The following FGF12 variants were observed in gnomAD, a reference collection of about 807,000 sequenced individuals.
The protein encoded by FGF12 is fibroblast growth factor 12.
A neutral mutation model predicts 23.6 loss-of-function variants in FGF12; 14 were observed. The ratio of observed to expected loss-of-function variants is 0.59; its 90% CI spans 0.39 to 0.93. The LOEUF (loss-of-function observed/expected upper bound fraction) is 0.93, where lower values mean the gene tolerates loss of function less well. Among genes scored for constraint, FGF12 ranks in the 40% least tolerant of loss-of-function variants. The pLI is 0.00. For missense variants in FGF12, 175 were observed against 217.8 expected (o/e 0.80, Z 1.24); for synonymous variants, 62 against 77.3 (o/e 0.80, Z 1.04).
intron 2 of FGF12, among the ~76,000 whole-genome samples, chr3:192,467,592 A>T (rs776717018): frequency 1.4e-4 from 21 of 152,220 alleles, no homozygotes; most frequent in Non-Finnish European, 2.9e-4. Flanking sequence ...TGCCTCTGAC[A>T]TGCTATGTCA....
chr3:192,150,319 A>T (rs968491990), intron 5 of FGF12, among the ~76,000 whole-genome samples: 4 of 84,874 alleles, frequency 4.7e-5, no homozygotes, highest in Non-Finnish European at 9.7e-5. Context: ...CTTTAGTTTA[A>T]TTAGATCCCA....
At chr3:192,538,213 G>A (rs770153904) in intron 2 of FGF12, among the ~76,000 whole-genome samples, 2 of 152,110 alleles carry the variant, frequency 1.3e-5, no homozygotes, top group Admixed American at 6.5e-5. Context: ...CTCCCAAAGC[G>A]CTGGGATTAC....
chr3:192,341,663 AAGG>A (rs1373345584), intron 3 of FGF12, among the ~76,000 whole-genome samples: 1 of 152,174 alleles, frequency 6.6e-6, no homozygotes, highest in Non-Finnish European at 1.5e-5. Flanking sequence ...ATTTAAGTGG[AAGG>A]AGAAGATGAG....
intron 2 of FGF12, among the ~76,000 whole-genome samples, chr3:192,685,865 T>C (rs182659865): frequency 1.3e-5 from 2 of 152,330 alleles, no homozygotes; most frequent in African/African-American, 4.8e-5. Context: ...TATCATTTTT[T>C]AAATTAAGAA....
chr3:192,536,071 A>T (rs1456966608), intron 2 of FGF12, among the ~76,000 whole-genome samples: 1 of 152,192 alleles, frequency 6.6e-6, no homozygotes, highest in East Asian at 1.9e-4. Context: ...ACTTTTTTAC[A>T]TATTACTCTA....
At chr3:192,500,704 C>T (rs2108832667) in intron 2 of FGF12, among the ~76,000 whole-genome samples, 1 of 152,296 alleles carries the variant, frequency 6.6e-6, no homozygotes, top group Non-Finnish European at 1.5e-5. Context: ...TATGCATTCC[C>T]AAGTGAAATA....
chr3:192,578,059 A>G (rs1431916741), intron 2 of FGF12, among the ~76,000 whole-genome samples: 1 of 152,324 alleles, frequency 6.6e-6, no homozygotes, highest in Middle Eastern at 3.4e-3. Context: ...AACATTGTAC[A>G]TTCACTTCAT....
intron 5 of FGF12, among the ~76,000 whole-genome samples, chr3:192,150,049 A>G (rs1713961480): frequency 9.8e-6 from 1 of 101,890 alleles, no homozygotes; most frequent in Non-Finnish European, 2.1e-5. Context: ...TTTGATTTGC[A>G]TTTCTCTGAT....
At chr3:192,418,787 G>A (rs1481381227) in intron 2 of FGF12, among the ~76,000 whole-genome samples, 1 of 152,130 alleles carries the variant, frequency 6.6e-6, no homozygotes, top group African/African-American at 2.4e-5. Context: ...CTTACACCAT[G>A]ATCTTAAGTT....
At chr3:192,600,248 A>T (rs971852) in intron 2 of FGF12, among the ~76,000 whole-genome samples, 2 of 147,654 alleles carry the variant, frequency 1.4e-5, no homozygotes, top group Admixed American at 1.3e-4. Context: ...CCATTGGTCT[A>T]TGTGTCTGTT....
rs111487225 is a variant in FGF12 at position 192,148,049 on chromosome 3, T to C, written c.428-3922A>G. Among the ~76,000 whole-genome samples, 1,124 of 152,284 alleles carry C rather than the reference T, an allele frequency of 7.4e-3. 15 individuals are homozygous for C. Among genetic ancestry groups the C allele is most frequent in the African/African-American group, 0.025 (1,052 of 41,568 alleles). ...GGCTCAGCCACCGTGGAAAATGAAA[T>C]GGTGATTCCTCAAAAAATTAAATAC... On this transcript the variant is annotated intron_variant, in intron 5 of 5. Coordinates refer to ENST00000445105, the MANE Select transcript of FGF12 (RefSeq NM_004113.6).
At chr3:192,382,846 A>G (rs1263673161) in intron 2 of FGF12, among the ~76,000 whole-genome samples, 1 of 152,208 alleles carries the variant, frequency 6.6e-6, no homozygotes, top group African/African-American at 2.4e-5. Context: ...ATGGCAAGTC[A>G]TTGAAAAGTT....
intron 2 of FGF12, among the ~76,000 whole-genome samples, chr3:192,669,030 G>C (rs1354655892): frequency 6.6e-6 from 1 of 152,068 alleles, no homozygotes; most frequent in African/African-American, 2.4e-5. Flanking sequence ...TGTTTCATAG[G>C]TATTTTAAAA....
Position 192,474,377 on chromosome 3 carries a change from C to A in FGF12, c.14-113839G>T, listed in dbSNP as rs868054891. On this transcript the variant is annotated intron_variant, in intron 2 of 5. Transcript: ENST00000445105. ...AAGGCTTTTAATCATAGGACACTGG[C>A]TTCCCAGACCACAAGTTTAAGCACA... Among the ~76,000 whole-genome samples, 21 of 152,274 alleles carry A rather than the reference C, an allele frequency of 1.4e-4. 1 individual carries two copies. Among genetic ancestry groups the A allele is most frequent in the Middle Eastern group, 6.8e-3 (2 of 294 alleles).
chr3:192,414,516 T>C (rs1015231053), intron 2 of FGF12, among the ~76,000 whole-genome samples: 1 of 152,186 alleles, frequency 6.6e-6, no homozygotes, highest in African/African-American at 2.4e-5. Flanking sequence ...ATCACATACA[T>C]TTATGTAACT....
intron 2 of FGF12, among the ~76,000 whole-genome samples, chr3:192,495,498 C>T (rs1479573742): frequency 6.6e-6 from 1 of 152,070 alleles, no homozygotes; most frequent in Non-Finnish European, 1.5e-5. Flanking sequence ...CTTTATCAAT[C>T]ATAAAGTGTT....
chr3:192,465,466 GAA>G (rs1234171249), intron 2 of FGF12, among the ~76,000 whole-genome samples: 1 of 152,122 alleles, frequency 6.6e-6, no homozygotes, highest in Non-Finnish European at 1.5e-5. Flanking sequence ...TGACTGTGCA[GAA>G]AAAAGTTAAG....
At chr3:192,523,246 C>G (rs1164757738) in intron 2 of FGF12, among the ~76,000 whole-genome samples, 3 of 152,132 alleles carry the variant, frequency 2.0e-5, no homozygotes, top group African/African-American at 4.8e-5. Flanking sequence ...CATAACTTCT[C>G]AGAGCCTAAC....
chr3:192,487,529 C>T (rs1216127842), intron 2 of FGF12, among the ~76,000 whole-genome samples: 1 of 152,120 alleles, frequency 6.6e-6, no homozygotes, highest in Non-Finnish European at 1.5e-5. Context: ...TTTCTGAAGA[C>T]ATTCACACAG....
Sources: allele counts gnomAD v4.1 joint callset (sites outside exome capture counted in the v4.1 genomes callset), GRCh38; gene constraint gnomAD v4.1.1; transcripts MANE v1.5; gene names NCBI Gene and HGNC (gene_info 2026-07-23, HGNC 2026-07-21).